Variants in DLG2 observed in about 807,000 individuals in gnomAD.
DLG2 encodes the protein discs large MAGUK scaffold protein 2, also known as disks large homolog 2.
A neutral mutation model predicts 132.5 loss-of-function variants in DLG2; 45 were observed. That is an observed-to-expected ratio of 0.34 (90% CI 0.27 to 0.44). The LOEUF (loss-of-function observed/expected upper bound fraction) is 0.44, where lower values mean the gene tolerates loss of function less well. DLG2 is among the 20% of genes least tolerant of loss of function. DLG2 has a pLI of 1.00. For missense variants in DLG2, 1,045 were observed against 1,196.9 expected (o/e 0.87, Z 1.87); for synonymous variants, 424 against 419.6 (o/e 1.01, Z -0.13).
rs543902070 is a variant in DLG2, at chr11:84,443,306, T to A, written c.519+91264A>T. On this transcript the variant is annotated intron_variant, in intron 7 of 27. Transcript: ENST00000376104. ...TCAGATTAATTTTTTAAGAAATAAGTTCTTCATAATATAGGTAAAATCTCC... is the reference window on the plus strand; with the variant it reads ...TCAGATTAATTTTTTAAGAAATAAGATCTTCATAATATAGGTAAAATCTCC... 7.3e-5 allele frequency among the ~76,000 whole-genome samples: 11 copies of A among 150,636 alleles called. No individual in the cohort carries two copies. In the South Asian group the frequency reaches 2.1e-3, roughly 28 times the overall value.
chr11:85,501,826 T>G (rs1213255509), intron 3 of DLG2, among the ~76,000 whole-genome samples: 1 of 152,154 alleles, frequency 6.6e-6, no homozygotes, highest in East Asian at 1.9e-4. Context: ...GGTGGGAGTA[T>G]AAATTAGTTC....
chr11:85,411,000 C>T (rs1052111467), intron 3 of DLG2, among the ~76,000 whole-genome samples: 16 of 151,678 alleles, frequency 1.1e-4, no homozygotes, highest in Admixed American at 1.1e-3. Context: ...AGTTAGTGAA[C>T]CTGCTAGGAA....
At chr11:85,445,360 G>A (rs1446135807) in intron 3 of DLG2, among the ~76,000 whole-genome samples, 1 of 152,138 alleles carries the variant, frequency 6.6e-6, no homozygotes, top group Non-Finnish European at 1.5e-5. Context: ...CCACAACAAA[G>A]CCCATTGTGA....
At chr11:84,309,132 C>T (rs2098262484) in intron 7 of DLG2, among the ~76,000 whole-genome samples, 1 of 152,112 alleles carries the variant, frequency 6.6e-6, no homozygotes, top group East Asian at 1.9e-4. Context: ...AATTTGTACA[C>T]CAAACCCCAG....
At chr11:85,382,262 G>T (rs1400665270) in intron 3 of DLG2, among the ~76,000 whole-genome samples, 3 of 152,082 alleles carry the variant, frequency 2.0e-5, no homozygotes, top group Admixed American at 2.0e-4. Context: ...AGACAATTCA[G>T]TGTGAAAGAA....
chr11:85,024,039 T>G (rs2060304498), intron 6 of DLG2, among the ~76,000 whole-genome samples: 1 of 152,142 alleles, frequency 6.6e-6, no homozygotes, highest in African/African-American at 2.4e-5. Context: ...GGTGACAAAA[T>G]ATGTATATAT....
At chr11:84,356,347 T>C (rs1348031796) in intron 7 of DLG2, among the ~76,000 whole-genome samples, 1 of 152,120 alleles carries the variant, frequency 6.6e-6, no homozygotes, top group African/African-American at 2.4e-5. Flanking sequence ...GTGGATACAA[T>C]CTGAATCACG....
chr11:84,708,780 A>C (rs1289256800), intron 6 of DLG2, among the ~76,000 whole-genome samples: 1 of 151,900 alleles, frequency 6.6e-6, no homozygotes, highest in Non-Finnish European at 1.5e-5. Context: ...AGCAAAGGGC[A>C]ATGCACAAGT....
chr11:83,509,848 G>GT (rs901397380), intron 21 of DLG2, among the ~76,000 whole-genome samples: 3 of 152,110 alleles, frequency 2.0e-5, no homozygotes, highest in African/African-American at 7.2e-5. Flanking sequence ...AGACCTGGGC[G>GT]TAAGTTTTGG....
chr11:85,310,189 C>T (rs1335800706), intron 3 of DLG2, among the ~76,000 whole-genome samples: 1 of 152,152 alleles, frequency 6.6e-6, no homozygotes, highest in Admixed American at 6.5e-5. Flanking sequence ...CATCAAACTG[C>T]CTTAGCTTGA....
intron 18 of DLG2, chr11:83,693,663 G>A (rs974318498): frequency 1.3e-5 from 2 of 152,188 alleles, no homozygotes; most frequent in Non-Finnish European, 1.5e-5. Context: ...AATGTGGAAG[G>A]CAGAGACAGC....
chr11:83,533,675 T>C (rs17145358), intron 20 of DLG2, among the ~76,000 whole-genome samples: 3,083 of 152,222 alleles, frequency 0.02, 101 homozygotes, highest in African/African-American at 0.07. Flanking sequence ...CCTGAAGATA[T>C]GAGTGAGCTA....
intron 3 of DLG2, among the ~76,000 whole-genome samples, chr11:85,395,155 T>C (rs889477912): frequency 6.6e-6 from 1 of 152,204 alleles, no homozygotes; most frequent in Non-Finnish European, 1.5e-5. Context: ...TAAACAGCCC[T>C]TTCATGGAAC....
At chr11:84,086,997 T>C (rs1421908902) in intron 10 of DLG2, among the ~76,000 whole-genome samples, 1 of 152,228 alleles carries the variant, frequency 6.6e-6, no homozygotes, top group Non-Finnish European at 1.5e-5. Flanking sequence ...CAGTACTTTA[T>C]TCCTTTTTCA....
intron 9 of DLG2, among the ~76,000 whole-genome samples, chr11:84,116,117 C>A (rs866880766): frequency 6.6e-6 from 1 of 152,320 alleles, no homozygotes; most frequent in African/African-American, 2.4e-5. Flanking sequence ...TGCAAGAGCA[C>A]TGGCAAGTGG....
intron 3 of DLG2, among the ~76,000 whole-genome samples, chr11:85,595,350 T>C (rs905985880): frequency 2.1e-4 from 32 of 152,116 alleles, no homozygotes; most frequent in African/African-American, 7.5e-4. Context: ...CAAAGAGACA[T>C]AAATTAATCA....
intron 7 of DLG2, among the ~76,000 whole-genome samples, chr11:84,336,767 G>A (rs887627052): frequency 1.3e-5 from 2 of 152,140 alleles, no homozygotes; most frequent in African/African-American, 4.8e-5. Flanking sequence ...TACCTCTTCT[G>A]GGTTCAAGGG....
intron 8 of DLG2, among the ~76,000 whole-genome samples, chr11:84,178,841 A>C (rs924440465): frequency 6.6e-6 from 1 of 152,186 alleles, no homozygotes; most frequent in Non-Finnish European, 1.5e-5. Context: ...GTTAGTTTTT[A>C]AACCAACATT....
chr11:84,857,357 A>G (rs1481356848), intron 6 of DLG2, among the ~76,000 whole-genome samples: 1 of 151,980 alleles, frequency 6.6e-6, no homozygotes, highest in African/African-American at 2.4e-5. Flanking sequence ...AAGGCAACAC[A>G]TGATTATGCA....
Sources: allele counts gnomAD v4.1 joint callset (sites outside exome capture counted in the v4.1 genomes callset), GRCh38; gene constraint gnomAD v4.1.1; transcripts MANE v1.5; gene names NCBI Gene and HGNC (gene_info 2026-07-23, HGNC 2026-07-21).